The following CADPS variants were observed in gnomAD, a reference collection of about 807,000 sequenced individuals.
CADPS encodes the protein calcium dependent secretion activator.
Under a neutral mutation model 167.3 loss-of-function variants are expected in CADPS, and 57 were observed. The observed-to-expected ratio is 0.34, with a 90% CI of 0.28 to 0.42. CADPS has a LOEUF of 0.42. Among genes scored for constraint, CADPS ranks in the 20% least tolerant of loss-of-function variants. The pLI, the probability that CADPS is intolerant of heterozygous loss-of-function variation, is 1.00. For missense variants in CADPS, 1,414 were observed against 1,738.1 expected (o/e 0.81, Z 3.32); for synonymous variants, 676 against 635.3 (o/e 1.06, Z -0.96).
rs2059907811 is a variant in CADPS, at chr3:62,601,156, A to G, written c.1326-8408T>C. ...TCTGCTTATGTATGGCTCATAAGCT[A>G]ATAAGGGCTTTGTATTTTCAAATGG... On this transcript the variant is annotated intron_variant, in intron 6 of 29. Transcript: ENST00000383710. The surrounding 1 kb of genome is among the most constrained non-coding windows in gnomAD (Gnocchi z 4.3). 6.6e-6 allele frequency among the ~76,000 whole-genome samples: 1 copy of G among 152,238 alleles called. No homozygotes were observed. The highest frequency in any genetic ancestry group is 6.5e-5 in the Admixed American group (1 of 15,278).
chr3:62,716,267 T>C (rs1165656910), intron 3 of CADPS, among the ~76,000 whole-genome samples: 2 of 152,062 alleles, frequency 1.3e-5, no homozygotes, highest in Admixed American at 6.6e-5. Flanking sequence ...TTGGCCAGGT[T>C]GGTCTCAAAC....
At chr3:62,593,177 C>A (rs1429622155) in intron 6 of CADPS, among the ~76,000 whole-genome samples, 1 of 152,198 alleles carries the variant, frequency 6.6e-6, no homozygotes, top group Non-Finnish European at 1.5e-5. Context: ...TCAAATGAGA[C>A]TTCAACAATA....
intron 6 of CADPS, among the ~76,000 whole-genome samples, chr3:62,598,291 A>T (rs1190422617): frequency 1.3e-5 from 2 of 152,144 alleles, no homozygotes. Context: ...TGAGAAGTGG[A>T]TGTTGGCTGA....
intron 1 of CADPS, among the ~76,000 whole-genome samples, chr3:62,853,881 G>T (rs1002669269): frequency 1.3e-5 from 2 of 152,010 alleles, no homozygotes; most frequent in African/African-American, 4.8e-5. Flanking sequence ...GCTTCAGCCT[G>T]GGAGGTTGAG....
intron 3 of CADPS, among the ~76,000 whole-genome samples, chr3:62,721,040 A>G (rs1184479429): frequency 1.3e-5 from 2 of 149,164 alleles, no homozygotes; most frequent in Non-Finnish European, 3.0e-5. Flanking sequence ...GATGGTATCA[A>G]TCTCCTGACC....
chr3:62,472,165 T>G (rs979621534), intron 24 of CADPS, among the ~76,000 whole-genome samples: 1 of 151,188 alleles, frequency 6.6e-6, no homozygotes, highest in Admixed American at 6.6e-5. Context: ...TCCTTAGAGA[T>G]AGAAAGTATT....
Position 62,518,217 on chromosome 3 carries a change from T to G in CADPS, c.2325A>C (p.Glu775Asp). Reference protein sequence around the residue: ...PDGIGTVTVEEKERFEEIKER... With the variant: ...PDGIGTVTVEDKERFEEIKER... ...CTTTGATTTCTTCAAAACGTTCCTT[T>G]TCTTCAACAGTCACAGTTCCAATTC... Residue 775 changes from glutamate (E) to aspartate (D), a missense_variant, in exon 14 of 30, where the codon GAA (glutamate) becomes GAC (aspartate). This residue lies in a region of CADPS where 529 missense variants were observed against 629.6 expected (regional missense o/e 0.84). Transcript: ENST00000383710. The G allele has an allele frequency of 6.2e-7, 1 of 1,612,934 alleles. No individual in the cohort carries two copies. The highest frequency in any genetic ancestry group is 8.5e-7 in the Non-Finnish European group (1 of 1,179,504).
chr3:62,830,737 TG>T (rs1175767247), intron 1 of CADPS, among the ~76,000 whole-genome samples: 1 of 152,166 alleles, frequency 6.6e-6, no homozygotes, highest in Non-Finnish European at 1.5e-5. Context: ...TGGGGTGTGC[TG>T]GGCCCAGACA....
chr3:62,519,235 T>C (rs1159505011), intron 13 of CADPS, among the ~76,000 whole-genome samples: 1 of 152,170 alleles, frequency 6.6e-6, no homozygotes, highest in African/African-American at 2.4e-5. Flanking sequence ...AAAACTTCTA[T>C]TGGAACATTC....
chr3:62,628,685 A>C (rs888869059), intron 6 of CADPS, among the ~76,000 whole-genome samples: 2 of 148,908 alleles, frequency 1.3e-5, no homozygotes, highest in Non-Finnish European at 3.0e-5. Flanking sequence ...GTAGTGCAGT[A>C]GTGCAATCTT....
chr3:62,526,460 A>G (rs750037409), intron 13 of CADPS, among the ~76,000 whole-genome samples: 7 of 152,184 alleles, frequency 4.6e-5, no homozygotes, highest in Non-Finnish European at 1.0e-4. Context: ...TTCCAATCCC[A>G]ATAATAAAGG....
intron 3 of CADPS, among the ~76,000 whole-genome samples, chr3:62,678,434 T>C (rs2076646787): frequency 6.6e-6 from 1 of 152,154 alleles, no homozygotes; most frequent in Non-Finnish European, 1.5e-5. Context: ...TTTGCTAATG[T>C]CACTATTTCA....
chr3:62,565,447 A>G (rs1240735189), intron 9 of CADPS, among the ~76,000 whole-genome samples: 1 of 152,186 alleles, frequency 6.6e-6, no homozygotes, highest in Non-Finnish European at 1.5e-5. Context: ...TGTTTCTCCA[A>G]GGGTGGCCTT....
intron 6 of CADPS, among the ~76,000 whole-genome samples, chr3:62,607,291 G>A (rs912917122): frequency 6.6e-6 from 1 of 152,200 alleles, no homozygotes; most frequent in Admixed American, 6.5e-5. Context: ...CGGTGTGAGA[G>A]CTGCACTGAG....
Position 62,532,978 on chromosome 3 carries a change from G to T in CADPS, c.2184C>A (p.Leu728=), listed in dbSNP as rs1187929535. The T allele has an allele frequency of 6.2e-7, 1 of 1,613,838 alleles. No homozygotes were observed. Residue 728 remains leucine, a synonymous_variant, in exon 13 of 30, where the codon CTC becomes CTA. Coordinates refer to ENST00000383710, the MANE Select transcript of CADPS (RefSeq NM_003716.4). Reference sequence around the variant, plus strand: ...GTTCAAGCAAGTCTCTGAGGTAGCAGAGATGTCGGTGACACCCCCGGACTC... The same window carrying T: ...GTTCAAGCAAGTCTCTGAGGTAGCATAGATGTCGGTGACACCCCCGGACTC... ...RNGVRGCHRH[L]CYLRDLLERA...
At chr3:62,857,048 T>C (rs953699910) in intron 1 of CADPS, among the ~76,000 whole-genome samples, 1 of 151,870 alleles carries the variant, frequency 6.6e-6, no homozygotes, top group Non-Finnish European at 1.5e-5. Context: ...ATAACAAACA[T>C]AAAAACGGTC....
intron 3 of CADPS, among the ~76,000 whole-genome samples, chr3:62,685,022 C>T (rs948334795): frequency 1.8e-5 from 2 of 112,784 alleles, no homozygotes; most frequent in Admixed American, 1.0e-4. Context: ...AGCTCACAAT[C>T]AAAGTAGACT....
intron 9 of CADPS, among the ~76,000 whole-genome samples, chr3:62,558,487 GAGA>G (rs902072697): frequency 6.6e-6 from 1 of 152,256 alleles, no homozygotes; most frequent in African/African-American, 2.4e-5. Context: ...AAATGTCTTA[GAGA>G]AGGAGTGCCA....
chr3:62,766,974 T>C (rs1317962940), intron 1 of CADPS, among the ~76,000 whole-genome samples: 1 of 152,196 alleles, frequency 6.6e-6, no homozygotes. Flanking sequence ...CTGCCTTATA[T>C]GTGCCAGACA....
Sources: allele counts gnomAD v4.1 joint callset (sites outside exome capture counted in the v4.1 genomes callset), GRCh38; gene constraint gnomAD v4.1.1; regional missense constraint gnomAD v4.1.1; non-coding constraint Gnocchi (gnomAD v3.1); transcripts MANE v1.5; gene names NCBI Gene and HGNC (gene_info 2026-07-23, HGNC 2026-07-21).